Variants in CD47 observed in about 807,000 individuals in gnomAD.
CD47 encodes the protein leukocyte surface antigen CD47.
CD47 carries 11 observed loss-of-function variants against 44.6 expected under a neutral mutation model. That is an observed-to-expected ratio of 0.25 (90% CI 0.16 to 0.41). The LOEUF (loss-of-function observed/expected upper bound fraction) is 0.41, where lower values mean the gene tolerates loss of function less well. Among genes scored for constraint, CD47 ranks in the 10% least tolerant of loss-of-function variants. The pLI, the probability that CD47 is intolerant of heterozygous loss-of-function variation, is 1.00. For missense variants in CD47, 306 were observed against 386.7 expected, an observed-to-expected ratio of 0.79 and a Z score of 1.75; for synonymous variants, 140 against 136.3, an observed-to-expected ratio of 1.03 and a Z score of -0.19.
Position 108,063,975 on chromosome 3 carries a change from T to G in CD47, c.491-3123A>C, listed in dbSNP as rs373007298. 5.3e-5 allele frequency among the ~76,000 whole-genome samples: 8 copies of G among 152,218 alleles called. No individual in the cohort carries two copies. In the East Asian group the frequency reaches 1.5e-3, roughly 29 times the overall value. On this transcript the variant is annotated intron_variant, in intron 3 of 10. Coordinates refer to ENST00000361309, the MANE Select transcript of CD47 (RefSeq NM_001777.4). ...TGAACAAATTAGGTATTCTAAAATT[T>G]TCTTTTATATGTTCTATAAAATAAT... is the stretch of plus-strand genomic sequence containing the variant.
intron 2 of CD47, among the ~76,000 whole-genome samples, chr3:108,075,002 G>C (rs1471224216): frequency 6.6e-6 from 1 of 152,296 alleles, no homozygotes; most frequent in South Asian, 2.1e-4. Flanking sequence ...TTCCTCAAGG[G>C]GAGAGTGAGA....
chr3:108,058,829 T>A (rs1253786328), intron 5 of CD47, among the ~76,000 whole-genome samples: 1 of 152,228 alleles, frequency 6.6e-6, no homozygotes, highest in Admixed American at 6.5e-5. Context: ...TATCTCTAGA[T>A]GTCATTTTAT....
chr3:108,084,292 G>T (rs2079475864), intron 1 of CD47, among the ~76,000 whole-genome samples: 1 of 151,884 alleles, frequency 6.6e-6, no homozygotes, highest in Admixed American at 6.6e-5. Flanking sequence ...TTTCTGTCTT[G>T]ACTTTTCCAC....
intron 1 of CD47, among the ~76,000 whole-genome samples, chr3:108,088,469 G>A (rs993205955): frequency 3.3e-5 from 5 of 152,020 alleles, no homozygotes; most frequent in African/African-American, 1.2e-4. Flanking sequence ...CCATAAATAC[G>A]TACTTTTAAA....
chr3:108,050,761 T>A, intron 8 of CD47, 159 bp from the exon 9 acceptor site: 1 of 490,984 alleles, frequency 2.0e-6, no homozygotes, highest in South Asian at 2.6e-5. Flanking sequence ...AGCCTGTAAA[T>A]GTTAAAGCAA....
At chr3:108,074,691 T>C (rs2079273313) in intron 2 of CD47, among the ~76,000 whole-genome samples, 1 of 92,458 alleles carries the variant, frequency 1.1e-5, no homozygotes, top group African/African-American at 4.5e-5. Flanking sequence ...TTTAAATTGT[T>C]CCCTGATATG....
chr3:108,044,283 G>T lies in CD47; in HGVS notation c.*3005C>A, dbSNP rs529892133. On this transcript the variant is annotated 3_prime_UTR_variant, in exon 11 of 11. Transcript: ENST00000361309. ...AATTGACTATAGCATCCTGAAAAAA[G>T]AAATATTTCCAATTACGGGATAGCC... 2 of 152,396 alleles carry T rather than the reference G, an allele frequency of 1.3e-5. No homozygotes were observed. Among genetic ancestry groups the T allele is most frequent in the South Asian group, 2.1e-4 (1 of 4,818 alleles). The allele number at this position is 152,396 out of a possible 1,614,324, so 9.4% of individuals were successfully genotyped here.
chr3:108,078,170 T>G (rs893331175), intron 2 of CD47, among the ~76,000 whole-genome samples: 1 of 152,046 alleles, frequency 6.6e-6, no homozygotes, highest in Non-Finnish European at 1.5e-5. Flanking sequence ...TTCAAAAAAT[T>G]AAAATGGATG....
chr3:108,084,889 C>T (rs1371826212), intron 1 of CD47, among the ~76,000 whole-genome samples: 1 of 152,080 alleles, frequency 6.6e-6, no homozygotes, highest in Non-Finnish European at 1.5e-5. Flanking sequence ...CCATACCCTT[C>T]TAACCAGCTC....
intron 7 of CD47, among the ~76,000 whole-genome samples, chr3:108,055,810 C>T (rs1485841024): frequency 2.6e-5 from 4 of 152,022 alleles, no homozygotes; most frequent in Non-Finnish European, 5.9e-5. Flanking sequence ...CTTGGAGGAA[C>T]GTAAGTGATG....
At chr3:108,068,057 T>C (rs2079134501) in intron 3 of CD47, among the ~76,000 whole-genome samples, 1 of 151,914 alleles carries the variant, frequency 6.6e-6, no homozygotes, top group Admixed American at 6.6e-5. Context: ...AGACCATAAA[T>C]GGTAATCAGG....
chr3:108,044,448 C>G lies in CD47; in HGVS notation c.*2840G>C, dbSNP rs2917076. 1.7e-4 allele frequency: 10 copies of G among 60,212 alleles called. No individual in the cohort carries two copies. The highest frequency in any genetic ancestry group is 3.9e-4 in the East Asian group (1 of 2,596). The allele number at this position is 60,212 out of a possible 1,614,324, so 3.7% of individuals were successfully genotyped here. On this transcript the variant is annotated 3_prime_UTR_variant, in exon 11 of 11. Coordinates refer to ENST00000361309, the MANE Select transcript of CD47 (RefSeq NM_001777.4). ...AAAAAAAAAAAAAAAAAAAAAAAAACAAAAAAAAAAAACAGAAAGAAAGAA... is the reference window on the plus strand; with the variant it reads ...AAAAAAAAAAAAAAAAAAAAAAAAAGAAAAAAAAAAAACAGAAAGAAAGAA...
At chr3:108,080,470 A>C (rs1047377236) in intron 1 of CD47, 126 bp from the exon 2 acceptor site, 2 of 583,714 alleles carry the variant, frequency 3.4e-6, no homozygotes, top group Non-Finnish European at 3.1e-6. Context: ...ACAGTATAGC[A>C]ATGAAGAAGA....
intron 1 of CD47, among the ~76,000 whole-genome samples, chr3:108,087,248 A>G (rs1294417715): frequency 1.3e-5 from 2 of 152,148 alleles, no homozygotes; most frequent in Admixed American, 1.3e-4. Context: ...TACAAAAAGG[A>G]TGAAGTCAGA....
intron 7 of CD47, 181 bp from the exon 8 acceptor site, chr3:108,052,151 C>T: frequency 6.8e-6 from 3 of 442,018 alleles, no homozygotes; most frequent in Non-Finnish European, 8.4e-6. Context: ...ATTATATACA[C>T]TGATTTGAAA....
chr3:108,058,261 A>G (rs1027015082), intron 6 of CD47, 76 bp downstream of exon 6: 2 of 818,460 alleles, frequency 2.4e-6, no homozygotes, highest in Non-Finnish European at 1.8e-6. Flanking sequence ...TTAAAAAGAG[A>G]GAAAGAAAAA....
intron 1 of CD47, among the ~76,000 whole-genome samples, chr3:108,087,135 T>C (rs753561753): frequency 2.0e-5 from 3 of 152,102 alleles, no homozygotes; most frequent in Non-Finnish European, 2.9e-5. Context: ...GAAGCAAAGA[T>C]CATCAGTAAA....
chr3:108,062,968 T>TAACAAAAATAAGAGTTTGAATCTC (rs1454013088), intron 3 of CD47, among the ~76,000 whole-genome samples: 7 of 152,112 alleles, frequency 4.6e-5, no homozygotes, highest in South Asian at 4.2e-4. Flanking sequence ...ACATCCTTCT[T>TAACAAAAATAAGAGTTTGAATCTC]AACAAAAATA....
intron 7 of CD47, among the ~76,000 whole-genome samples, chr3:108,056,171 C>A (rs182137815): frequency 3.9e-5 from 6 of 152,276 alleles, no homozygotes; most frequent in Non-Finnish European, 8.8e-5. Context: ...AGAATATGCA[C>A]CAACATTCAA....
Sources: allele counts gnomAD v4.1 joint callset (sites outside exome capture counted in the v4.1 genomes callset), GRCh38; gene constraint gnomAD v4.1.1; transcripts MANE v1.5; gene names NCBI Gene and HGNC (gene_info 2026-07-23, HGNC 2026-07-21).